The following PDE3B variants were observed in gnomAD, a reference collection of about 807,000 sequenced individuals.
PDE3B encodes phosphodiesterase 3B.
A neutral mutation model predicts 116.8 loss-of-function variants in PDE3B; 66 were observed. That is an observed-to-expected ratio of 0.56 (90% CI 0.46 to 0.69). PDE3B has a LOEUF of 0.69. Ranked by LOEUF, PDE3B falls within the 30% of genes least tolerant of loss-of-function variation. The probability of loss-of-function intolerance (pLI) is 0.00; values close to 1 mark genes in which losing one functional copy is unlikely to be tolerated. For missense variants in PDE3B, 1,384 were observed against 1,368.1 expected, an observed-to-expected ratio of 1.01 and a Z score of -0.18; for synonymous variants, 595 against 533.6, an observed-to-expected ratio of 1.12 and a Z score of -1.59.
rs1192781165 is a variant in PDE3B at position 14,644,236 on chromosome 11, T to G, written c.161T>G (p.Phe54Cys). ...PRGFFFHLCR[F>C]CNVELRPPPA... is the part of the protein sequence containing the mutation. ...GGCTTCTTCTTCCACCTCTGCCGCT[T>G]CTGCAACGTGGAGCTGCGGCCGCCG... Residue 54 changes from phenylalanine to cysteine, a missense_variant, in exon 1 of 16, where the codon TTC becomes TGC. Physicochemically the swap from Phe to Cys is radical, Grantham distance 205. Transcript: ENST00000282096. The G allele has an allele frequency of 1.3e-6, 2 of 1,585,452 alleles. No homozygotes were observed. The highest frequency in any genetic ancestry group is 8.5e-7 in the Non-Finnish European group (1 of 1,172,896).
At chr11:14,750,184 G>T (rs1467451864) in intron 1 of PDE3B, among the ~76,000 whole-genome samples, 1 of 151,716 alleles carries the variant, frequency 6.6e-6, no homozygotes, top group Non-Finnish European at 1.5e-5. Flanking sequence ...TTTACTCAGT[G>T]TACTGCTTCA....
intron 7 of PDE3B, among the ~76,000 whole-genome samples, chr11:14,824,990 A>C (rs1453702368): frequency 6.6e-6 from 1 of 152,170 alleles, no homozygotes; most frequent in African/African-American, 2.4e-5. Flanking sequence ...ATTCTTAAAA[A>C]AAAAAAAAAT....
At chr11:14,740,218 A>G (rs1351126990) in intron 1 of PDE3B, among the ~76,000 whole-genome samples, 1 of 152,078 alleles carries the variant, frequency 6.6e-6, no homozygotes, top group Non-Finnish European at 1.5e-5. Flanking sequence ...TGGGCTGTGA[A>G]TCTGTCTGGT....
chr11:14,753,688 A>G (rs1487739894), intron 1 of PDE3B, among the ~76,000 whole-genome samples: 1 of 152,140 alleles, frequency 6.6e-6, no homozygotes, highest in Non-Finnish European at 1.5e-5. Flanking sequence ...GAGAATAAAA[A>G]ACAAAGTATC....
Position 14,690,433 on chromosome 11 carries a change from G to A in PDE3B, c.978+45380G>A, listed in dbSNP as rs148993286. Among the ~76,000 whole-genome samples the A allele has an allele frequency of 3.2e-3, 493 of 152,202 alleles. 3 individuals are homozygous for A. Among genetic ancestry groups the A allele is most frequent in the African/African-American group, 0.011 (461 of 41,548 alleles). On this transcript the variant is annotated intron_variant, in intron 1 of 15. Coordinates refer to ENST00000282096, the MANE Select transcript of PDE3B (RefSeq NM_000922.4). ...TTACATATAATTGCCATATGAAGAG[G>A]TGATAACAAAAGTTATGCAAAAAAT... is the stretch of plus-strand genomic sequence containing the variant.
chr11:14,748,665 T>A lies in PDE3B; in HGVS notation c.979-23272T>A, dbSNP rs1472478121. On this transcript the variant is annotated intron_variant, in intron 1 of 15. Transcript: ENST00000282096. ...TTAATCATTTCAAAATAGGAACAAT[T>A]ATTTCCAATGGAATTCTCACTTTCT... 2.0e-5 allele frequency among the ~76,000 whole-genome samples: 3 copies of A among 152,290 alleles called. No individual in the cohort carries two copies. In the East Asian group the frequency reaches 5.8e-4, roughly 29 times the overall value.
In PDE3B at chr11:14,826,026, C is replaced by T. The variant is rs185142457; in HGVS notation, c.1808-4672C>T. Among the ~76,000 whole-genome samples, 1,021 of 152,136 alleles carry T rather than the reference C, an allele frequency of 6.7e-3. 9 individuals carry two copies. Among genetic ancestry groups the T allele is most frequent in the Non-Finnish European group, 8.8e-3 (598 of 67,988 alleles). ...AACTGGCTCCTGAATGACTTTTGGG[C>T]AAATAGTGAAATTAAGGCAGAAATC... On this transcript the variant is annotated intron_variant, in intron 7 of 15. Transcript: ENST00000282096.
At chr11:14,750,963 T>C (rs554451930) in intron 1 of PDE3B, among the ~76,000 whole-genome samples, 1 of 152,316 alleles carries the variant, frequency 6.6e-6, no homozygotes, top group East Asian at 1.9e-4. Flanking sequence ...AGAATCACTC[T>C]GTTAGTGTGT....
intron 1 of PDE3B, among the ~76,000 whole-genome samples, chr11:14,701,190 T>C (rs1374050184): frequency 1.3e-5 from 2 of 151,814 alleles, no homozygotes; most frequent in Admixed American, 1.3e-4. Context: ...TTTATTCATA[T>C]TGTAGCTAGT....
intron 1 of PDE3B, among the ~76,000 whole-genome samples, chr11:14,658,443 G>T (rs373130568): frequency 6.6e-6 from 1 of 151,844 alleles, no homozygotes; most frequent in East Asian, 1.9e-4. Context: ...TGCAACCTCC[G>T]TCTCCTGGGT....
the PDE3B span, chr11:14,892,246 A>G: frequency 6.4e-7 from 1 of 1,570,452 alleles, no homozygotes; most frequent in Admixed American, 1.8e-5. Context: ...CAGCCCTGAG[A>G]CCCAGGCACT....
chr11:14,742,660 C>T (rs1216779112), intron 1 of PDE3B, among the ~76,000 whole-genome samples: 2 of 152,100 alleles, frequency 1.3e-5, no homozygotes, highest in African/African-American at 2.4e-5. Context: ...GGAGAAGAGG[C>T]GTTGTGTTTT....
rs763744588 is a variant in PDE3B, at chr11:14,749,910, A to ATATATATATATATATATATATATATG, written c.979-22024_979-22023insATATATATATATATATATATATGTAT. Among the ~76,000 whole-genome samples, 547 of 131,368 alleles carry ATATATATATATATATATATATATATG rather than the reference A, an allele frequency of 4.2e-3. 23 individuals carry two copies. The highest frequency in any genetic ancestry group is 0.017 in the African/African-American group (524 of 31,714). The allele number at this position is 131,368 out of a possible 152,430, so 86.2% of individuals were successfully genotyped here. A position where few individuals can be genotyped will look rare whatever the true frequency, so the allele number is the denominator to read the frequency against. ...AAATAAATATATCCCATATATATATATATGTATCTTTGTGGAAGCTGAGAA... is the reference window on the plus strand; with the variant it reads ...AAATAAATATATCCCATATATATATATATATATATATATATATATATATATGTATGTATCTTTGTGGAAGCTGAGAA... On this transcript the variant is annotated intron_variant, in intron 1 of 15. Coordinates refer to ENST00000282096, the MANE Select transcript of PDE3B (RefSeq NM_000922.4).
At position 14,847,001 on chromosome 11, in the gene PDE3B, C is replaced by A. The variant is rs1037256873; in HGVS notation, c.2520+2975C>A. 3.6e-4 allele frequency among the ~76,000 whole-genome samples: 55 copies of A among 152,162 alleles called. 2 individuals are homozygous for A. The highest frequency in any genetic ancestry group is 1.8e-4 in the Non-Finnish European group (12 of 68,036). On this transcript the variant is annotated intron_variant, in intron 12 of 15. Transcript: ENST00000282096. The stretch of plus-strand genomic sequence containing the variant: ...TGCACCAAGCGGACCTAATAGACAT[C>A]TACAGAACTCTCCACCCCAAATCAA...
At chr11:14,735,549 G>A (rs16930498) in intron 1 of PDE3B, among the ~76,000 whole-genome samples, 20,061 of 152,168 alleles carry the variant, frequency 0.13, 1,520 homozygotes, top group African/African-American at 0.2. Context: ...GCACTATGTA[G>A]AAGAAATGGG....
intron 12 of PDE3B, among the ~76,000 whole-genome samples, chr11:14,857,752 G>C (rs1555006413): frequency 1.3e-5 from 2 of 152,092 alleles, no homozygotes; most frequent in Non-Finnish European, 2.9e-5. Flanking sequence ...CTATCTGTAA[G>C]TTTATTAAGT....
chr11:14,713,318 G>A (rs140254690), intron 1 of PDE3B, among the ~76,000 whole-genome samples: 224 of 152,268 alleles, frequency 1.5e-3, no homozygotes, highest in African/African-American at 4.9e-3. Context: ...ACTGGATCAC[G>A]GGATGACCAG....
intron 1 of PDE3B, among the ~76,000 whole-genome samples, chr11:14,732,873 A>G (rs1026834379): frequency 1.3e-5 from 2 of 152,224 alleles, no homozygotes; most frequent in Non-Finnish European, 2.9e-5. Flanking sequence ...TCAGGTTAGC[A>G]TATAAACCTG....
At chr11:14,759,745 C>A (rs576180298) in intron 1 of PDE3B, among the ~76,000 whole-genome samples, 1 of 151,928 alleles carries the variant, frequency 6.6e-6, no homozygotes. Flanking sequence ...TACAGGGTTT[C>A]ACCATGTTGG....
Sources: allele counts gnomAD v4.1 joint callset (sites outside exome capture counted in the v4.1 genomes callset), GRCh38; gene constraint gnomAD v4.1.1; transcripts MANE v1.5; gene names NCBI Gene and HGNC (gene_info 2026-07-23, HGNC 2026-07-21).